LRP5: variants seen among roughly 807,000 people sequenced by gnomAD.
LRP5 encodes LDL receptor related protein 5.
Under a neutral mutation model 154.1 loss-of-function variants are expected in LRP5, and 62 were observed. The ratio of observed to expected loss-of-function variants is 0.40; its 90% confidence interval spans 0.33 to 0.50. LRP5 has a LOEUF of 0.50. Among genes scored for constraint, LRP5 ranks in the 20% least tolerant of loss-of-function variants. The pLI, the probability that LRP5 is intolerant of heterozygous loss-of-function variation, is 0.55. For synonymous variants in LRP5, 966 were observed against 1,011.5 expected (o/e 0.96, Z 0.85); for missense variants, 1,915 against 2,336.7 (o/e 0.82, Z 3.72).
chr11:68,428,505 C>T (rs563648700), intron 16 of LRP5, among the ~76,000 whole-genome samples: 28 of 152,158 alleles, frequency 1.8e-4, no homozygotes, highest in African/African-American at 4.3e-4. Flanking sequence ...TGGGTGCCAG[C>T]GTTCCACACT....
chr11:68,381,457 A>G (rs536219926), intron 5 of LRP5, among the ~76,000 whole-genome samples: 4 of 151,902 alleles, frequency 2.6e-5, no homozygotes, highest in South Asian at 2.1e-4. Flanking sequence ...TTTTGAGGAT[A>G]AGGCTGCCTG....
intron 12 of LRP5, 113 bp from the exon 13 acceptor site, chr11:68,416,215 C>T: frequency 1.1e-6 from 1 of 883,286 alleles, no homozygotes; most frequent in Non-Finnish European, 1.9e-6. Context: ...TCCCGTGGAC[C>T]TCCAGCGGGG....
chr11:68,405,930 C>T (rs1392454516), intron 8 of LRP5, among the ~76,000 whole-genome samples: 2 of 152,238 alleles, frequency 1.3e-5, no homozygotes, highest in African/African-American at 2.4e-5. Context: ...TGCCCTGAGG[C>T]GTTCACTGCT....
chr11:68,410,462 G>T (rs942601920), intron 10 of LRP5, among the ~76,000 whole-genome samples: 1 of 152,234 alleles, frequency 6.6e-6, no homozygotes, highest in Non-Finnish European at 1.5e-5. Context: ...GAGAAACCGA[G>T]TGACTTCCCT....
At chr11:68,341,588 C>A (rs919236028) in intron 1 of LRP5, among the ~76,000 whole-genome samples, 9 of 152,090 alleles carry the variant, frequency 5.9e-5, no homozygotes, top group African/African-American at 1.7e-4. Flanking sequence ...AAACGAGAGA[C>A]CTTGGGCACA....
chr11:68,322,959 G>T (rs1489968041), intron 1 of LRP5, among the ~76,000 whole-genome samples: 1 of 152,234 alleles, frequency 6.6e-6, no homozygotes, highest in African/African-American at 2.4e-5. Context: ...CCCAGACTCC[G>T]TGAGATGCCA....
At chr11:68,405,866 G>C (rs1340135477) in intron 8 of LRP5, among the ~76,000 whole-genome samples, 1 of 152,236 alleles carries the variant, frequency 6.6e-6, no homozygotes, top group Non-Finnish European at 1.5e-5. Flanking sequence ...CGGAGGAAGG[G>C]CCTAGCTGGG....
intron 7 of LRP5, among the ~76,000 whole-genome samples, chr11:68,392,734 T>C (rs2098647046): frequency 6.6e-6 from 1 of 152,168 alleles, no homozygotes; most frequent in African/African-American, 2.4e-5. Flanking sequence ...CTGGACGTTT[T>C]GTGTGACTGG....
intron 1 of LRP5, among the ~76,000 whole-genome samples, chr11:68,317,883 C>T (rs2098594353): frequency 1.3e-5 from 2 of 152,084 alleles, no homozygotes; most frequent in African/African-American, 2.4e-5. Flanking sequence ...GGACACTGTT[C>T]TCTGTCTCTC....
chr11:68,308,923 A>ATT (rs34529621), upstream of LRP5, among the ~76,000 whole-genome samples: 4,258 of 74,472 alleles, frequency 0.057, 439 homozygotes, highest in African/African-American at 0.21. Context: ...TAATCAGCTA[A>ATT]TTTTTTTTTT....
chr11:68,314,972 C>T (rs577284081), intron 1 of LRP5, among the ~76,000 whole-genome samples: 1 of 152,288 alleles, frequency 6.6e-6, no homozygotes, highest in South Asian at 2.1e-4. Context: ...CGTTTAATTT[C>T]AGCCGTGCTG....
chr11:68,319,807 G>C (rs897956418), intron 1 of LRP5, among the ~76,000 whole-genome samples: 5 of 152,174 alleles, frequency 3.3e-5, no homozygotes, highest in Non-Finnish European at 7.3e-5. Context: ...CTCTGCATGT[G>C]TATAAGTGTT....
At chr11:68,371,817 G>A (rs1401302426) in intron 5 of LRP5, among the ~76,000 whole-genome samples, 2 of 152,256 alleles carry the variant, frequency 1.3e-5, no homozygotes, top group Non-Finnish European at 2.9e-5. Context: ...CTCACCAGCC[G>A]GGATGTCAGA....
At chr11:68,424,013 A>G (rs1295839763) in intron 14 of LRP5, among the ~76,000 whole-genome samples, 1 of 152,180 alleles carries the variant, frequency 6.6e-6, no homozygotes, top group Middle Eastern at 3.2e-3. Context: ...CTTCCACGGC[A>G]TGGGGGCTGC....
intron 16 of LRP5, among the ~76,000 whole-genome samples, chr11:68,428,778 T>C (rs1432203507): frequency 2.1e-5 from 3 of 143,166 alleles, no homozygotes; most frequent in African/African-American, 7.9e-5. Context: ...CAACCCCTTA[T>C]ACAATGAAAG....
At chr11:68,344,411 C>G (rs564402481) in intron 1 of LRP5, among the ~76,000 whole-genome samples, 4 of 152,062 alleles carry the variant, frequency 2.6e-5, no homozygotes, top group Non-Finnish European at 5.9e-5. Flanking sequence ...CTCCACTTCT[C>G]GGGTTCAAGT....
chr11:68,331,982 G>A (rs761197381), intron 1 of LRP5, among the ~76,000 whole-genome samples: 1 of 152,016 alleles, frequency 6.6e-6, no homozygotes, highest in Admixed American at 6.6e-5. Flanking sequence ...GAGGGCAGGT[G>A]GGGGCCAAGC....
chr11:68,427,252 G>A (rs755109040), intron 16 of LRP5, among the ~76,000 whole-genome samples: 1 of 152,192 alleles, frequency 6.6e-6, no homozygotes, highest in Non-Finnish European at 1.5e-5. Context: ...GCCTTGCTGT[G>A]TCCCAGGGCT....
rs1157068617 is a variant in LRP5, at chr11:68,426,199, C to T, written c.3637+12C>T. Reference sequence around the variant, plus strand: ...CCTGGAGGAGTTCTGTACGTGGGGGCTGGCAGTGGGGTGGGCAGGGTGGCC... The same window carrying T: ...CCTGGAGGAGTTCTGTACGTGGGGGTTGGCAGTGGGGTGGGCAGGGTGGCC... On this transcript the variant is annotated intron_variant, in intron 16 of 22. Coordinates refer to ENST00000294304, the MANE Select transcript of LRP5 (RefSeq NM_002335.4). 1 of 1,607,782 alleles carries T rather than the reference C, an allele frequency of 6.2e-7. No individual in the cohort carries two copies. Among genetic ancestry groups the T allele is most frequent in the Non-Finnish European group, 8.5e-7 (1 of 1,178,340 alleles).
Sources: gnomAD v4.1 joint callset for allele counts (sites outside exome capture counted in the v4.1 genomes callset) on GRCh38, gnomAD v4.1.1 for gene constraint, MANE v1.5 for transcripts, NCBI Gene and HGNC (gene_info 2026-07-23, HGNC 2026-07-21) for gene names.